The following GDAP2 variants were observed in gnomAD, a reference collection of about 807,000 sequenced individuals.
GDAP2 encodes ganglioside-induced differentiation-associated protein 2.
A neutral mutation model predicts 67.0 loss-of-function variants in GDAP2; 51 were observed. The ratio of observed to expected loss-of-function variants is 0.76; its 90% CI spans 0.61 to 0.96. The LOEUF (loss-of-function observed/expected upper bound fraction) is 0.96, where lower values mean the gene tolerates loss of function less well. Among genes scored for constraint, GDAP2 ranks in the 40% least tolerant of loss-of-function variants. GDAP2 has a pLI of 0.00. For missense variants in GDAP2, 547 were observed against 588.3 expected (o/e 0.93, Z 0.73); for synonymous variants, 203 against 207.3 (o/e 0.98, Z 0.18).
intron 8 of GDAP2, among the ~76,000 whole-genome samples, chr1:117,892,075 C>T (rs1215810352): frequency 6.6e-6 from 1 of 152,096 alleles, no homozygotes; most frequent in Non-Finnish European, 1.5e-5. Flanking sequence ...AGGTTAGAAT[C>T]ACTGCTGAGA....
chr1:117,902,467 G>T (rs1200180172), intron 6 of GDAP2, among the ~76,000 whole-genome samples: 3 of 152,082 alleles, frequency 2.0e-5, no homozygotes, highest in African/African-American at 7.2e-5. Context: ...TTCCTTTTGA[G>T]CTAATTTTTG....
chr1:117,878,085 CTGTCCACATGGTGGATTT>C lies in GDAP2; in HGVS notation c.1352_1369del (p.Lys451_Asp456del). 2 of 1,612,770 alleles carry C rather than the reference CTGTCCACATGGTGGATTT, an allele frequency of 1.2e-6. No homozygotes were observed. The highest frequency in any genetic ancestry group is 1.1e-5 in the South Asian group (1 of 90,992). On this transcript the variant is annotated inframe_deletion, in exon 13 of 14. Transcript: ENST00000369443. ...TATGGCAGAAAACAGCTGGTGGAGGCTGTCCACATGGTGGATTTTGTCCTTCAGTCCTGAGACAGAAAA... is the reference window on the plus strand; with the variant it reads ...TATGGCAGAAAACAGCTGGTGGAGGCTGTCCTTCAGTCCTGAGACAGAAAA...
chr1:117,884,182 C>T (rs1020045767), intron 10 of GDAP2, among the ~76,000 whole-genome samples: 53 of 152,070 alleles, frequency 3.5e-4, no homozygotes, highest in Non-Finnish European at 7.4e-4. Context: ...TAGTGCTGAT[C>T]TGAAGGAGGA....
chr1:117,876,984 A>G (rs1468932172), intron 13 of GDAP2, among the ~76,000 whole-genome samples: 1 of 152,192 alleles, frequency 6.6e-6, no homozygotes, highest in African/African-American at 2.4e-5. Flanking sequence ...TTCAAAGGAA[A>G]AACACTAAGA....
Position 117,894,001 on chromosome 1 carries a change from A to AAT in GDAP2, c.953+2830_953+2831dup, listed in dbSNP as rs1649175229. On this transcript the variant is annotated intron_variant, in intron 8 of 13. Coordinates refer to ENST00000369443, the MANE Select transcript of GDAP2 (RefSeq NM_017686.4). ...GAAGAGTTGTATTTTTTAACTTGCA[A>AAT]ATCTCTTTAATTTCTGCTAGATTCT... Among the ~76,000 whole-genome samples the AAT allele has an allele frequency of 2.0e-5, 3 of 152,288 alleles. No homozygotes were observed. In the South Asian group the frequency reaches 6.2e-4, roughly 32 times the overall value.
At position 117,878,174 on chromosome 1, in the gene GDAP2, A is replaced by T. The variant is rs772950020; in HGVS notation, c.1303-22T>A. Reference sequence around the variant, plus strand: ...ACACCTGATTAATAGAAGAGAAAAAATAATTTAAGCTAGTTGCCATAGTTA... The same window carrying T: ...ACACCTGATTAATAGAAGAGAAAAATTAATTTAAGCTAGTTGCCATAGTTA... On this transcript the variant is annotated intron_variant, in intron 12 of 13. Coordinates refer to ENST00000369443, the MANE Select transcript of GDAP2 (RefSeq NM_017686.4). The T allele has an allele frequency of 2.2e-6, 3 of 1,355,892 alleles. No homozygotes were observed. In the South Asian group the frequency reaches 4.1e-5, roughly 19 times the overall value. 84.0% of individuals were successfully genotyped at this position (1,355,892 alleles called of 1,614,324 possible).
At chr1:117,929,352 T>A (rs1380189810) in intron 1 of GDAP2, 96 bp downstream of exon 1, 1 of 152,474 alleles carries the variant, frequency 6.6e-6, no homozygotes, top group Admixed American at 6.5e-5. Flanking sequence ...ACCCTCAGCC[T>A]GCAATCCTGA....
In GDAP2 at chr1:117,881,401, A is replaced by C. The variant is rs564459925; in HGVS notation, c.1302+422T>G. Among the ~76,000 whole-genome samples the C allele has an allele frequency of 3.3e-5, 5 of 152,306 alleles. No homozygotes were observed. In the East Asian group the frequency reaches 7.7e-4, roughly 24 times the overall value. ...CATGCAATTAAAATAAAAACATAAC[A>C]ATGATATAAGACTACAGAATCTTAA... is the stretch of plus-strand genomic sequence containing the variant. On this transcript the variant is annotated intron_variant, in intron 12 of 13. Coordinates refer to ENST00000369443, the MANE Select transcript of GDAP2 (RefSeq NM_017686.4).
At chr1:117,890,542 T>C in intron 8 of GDAP2, among the ~76,000 whole-genome samples, 1 of 152,032 alleles carries the variant, frequency 6.6e-6, no homozygotes, top group Non-Finnish European at 1.5e-5. Context: ...ATATGCATGG[T>C]CCACTTAGAA....
rs1648129085 is a variant in GDAP2, at chr1:117,867,813, TAA to T, written c.*2754_*2755del. Reference sequence around the variant, plus strand: ...GTACCATTTGCCCTCACGAGTCTAATAAAGGCTGAACCTTTTTTAAGAGGTAA... The same window carrying T: ...GTACCATTTGCCCTCACGAGTCTAATAGGCTGAACCTTTTTTAAGAGGTAA... On this transcript the variant is annotated 3_prime_UTR_variant, in exon 14 of 14. Transcript: ENST00000369443. The T allele has an allele frequency of 6.6e-6, 1 of 152,210 alleles. No individual in the cohort carries two copies. The highest frequency in any genetic ancestry group is 1.5e-5 in the Non-Finnish European group (1 of 68,034). 9.4% of individuals were successfully genotyped at this position (152,210 alleles called of 1,614,324 possible).
chr1:117,883,434 A>G, intron 11 of GDAP2, 54 bp downstream of exon 11: 1 of 1,341,670 alleles, frequency 7.5e-7, no homozygotes, highest in Non-Finnish European at 1.1e-6. Flanking sequence ...CCACTGCTTA[A>G]TATTAGAAAA....
At chr1:117,895,788 T>C (rs1035522294) in intron 8 of GDAP2, among the ~76,000 whole-genome samples, 1 of 152,152 alleles carries the variant, frequency 6.6e-6, no homozygotes, top group Admixed American at 6.6e-5. Context: ...CACAAAATAC[T>C]AGTTCTGAAA....
chr1:117,883,865 C>T lies in GDAP2; in HGVS notation c.1108-238G>A, dbSNP rs115943282. On this transcript the variant is annotated intron_variant, in intron 10 of 13. Coordinates refer to ENST00000369443, the MANE Select transcript of GDAP2 (RefSeq NM_017686.4). ...GTGCTACAGTACAATTCCTTTCTGT[C>T]TTATTCTAAGTGATAGAGGAGAACA... 6.8e-3 allele frequency among the ~76,000 whole-genome samples: 1,035 copies of T among 152,204 alleles called. 9 individuals are homozygous for T. Among genetic ancestry groups the T allele is most frequent in the African/African-American group, 0.023 (971 of 41,556 alleles).
intron 11 of GDAP2, among the ~76,000 whole-genome samples, chr1:117,882,480 T>C (rs1407031521): frequency 6.6e-6 from 1 of 152,122 alleles, no homozygotes; most frequent in African/African-American, 2.4e-5. Context: ...CACTCCAGAT[T>C]CATTCTCCTA....
At chr1:117,889,739 G>C (rs1649001480) in intron 8 of GDAP2, among the ~76,000 whole-genome samples, 1 of 152,052 alleles carries the variant, frequency 6.6e-6, no homozygotes, top group Non-Finnish European at 1.5e-5. Flanking sequence ...TAAAAGTATA[G>C]AGTTTATTAT....
In GDAP2 at chr1:117,899,175, T is replaced by C. The variant is rs772816395; in HGVS notation, c.678A>G (p.Ser226=). ...QKLLPLYFPR[S]LKEENRSLPY... ...GCAATGATCGATTCTCCTCTTTTAA[T>C]GACCTTGGGAAGTAGAGAGGTAGCA... is the stretch of plus-strand genomic sequence containing the variant. Residue 226 remains serine, a synonymous_variant, in exon 7 of 14, where the codon TCA becomes TCG. Transcript: ENST00000369443. 3 of 1,611,924 alleles carry C rather than the reference T, an allele frequency of 1.9e-6. No homozygotes were observed. The African/African-American group carries it at 4.0e-5, about 22-fold the overall frequency.
intron 3 of GDAP2, among the ~76,000 whole-genome samples, chr1:117,917,919 C>T (rs1474347411): frequency 6.6e-6 from 1 of 152,218 alleles, no homozygotes; most frequent in East Asian, 1.9e-4. Flanking sequence ...GGCCATTTCC[C>T]CCACTCTGTC....
chr1:117,912,860 T>C (rs1014138046), intron 3 of GDAP2, among the ~76,000 whole-genome samples, 177 bp from the exon 4 acceptor site: 1 of 152,160 alleles, frequency 6.6e-6, no homozygotes, highest in Non-Finnish European at 1.5e-5. Flanking sequence ...AGTGAAGCAA[T>C]ACAATAGGTA....
intron 8 of GDAP2, among the ~76,000 whole-genome samples, chr1:117,888,450 G>T (rs1648946482): frequency 1.3e-5 from 2 of 152,148 alleles, no homozygotes; most frequent in South Asian, 4.1e-4. Context: ...TAAAGATCTT[G>T]CAGATGGAAA....
Sources: allele counts gnomAD v4.1 joint callset (sites outside exome capture counted in the v4.1 genomes callset), GRCh38; gene constraint gnomAD v4.1.1; transcripts MANE v1.5; gene names NCBI Gene and HGNC (gene_info 2026-07-23, HGNC 2026-07-21).